DHX36: variants seen among roughly 807,000 people sequenced by gnomAD.
DHX36 encodes ATP-dependent DNA/RNA helicase DHX36.
In DHX36, 50 loss-of-function variants were observed where a neutral mutation model predicts 139.0. The observed-to-expected ratio is 0.36, with a 90% confidence interval of 0.29 to 0.46. The LOEUF (loss-of-function observed/expected upper bound fraction) is 0.46, where lower values mean the gene tolerates loss of function less well. Ranked by LOEUF, DHX36 falls within the 20% of genes least tolerant of loss-of-function variation. The pLI is 1.00. For synonymous variants in DHX36, 425 were observed against 401.9 expected, an observed-to-expected ratio of 1.06 and a Z score of -0.69; for missense variants, 1,024 against 1,211.3, an observed-to-expected ratio of 0.85 and a Z score of 2.29.
At chr3:154,283,046 C>T (rs1719378672) in intron 20 of DHX36, 142 bp downstream of exon 20, 3 of 553,424 alleles carry the variant, frequency 5.4e-6, no homozygotes, top group East Asian at 5.8e-5. Flanking sequence ...CAGAAAGATC[C>T]CCCATTACTT....
rs762412553 is a variant in DHX36 at position 154,309,657 on chromosome 3, AT to A, written c.808del (p.Ile270PhefsTer7). On this transcript the variant is annotated frameshift_variant, in exon 5 of 25. Transcript: ENST00000496811. LOFTEE classifies it high-confidence loss of function. Reference sequence around the variant, plus strand: ...ATAAGTTAAGAGATTACTTACTGAAATGGCACTAATTCTTCTTGGCTGAGTA... The same window carrying A: ...ATAAGTTAAGAGATTACTTACTGAAAGGCACTAATTCTTCTTGGCTGAGTA... Reference protein sequence around the residue: ...VCTQPRRISAISVAERVAAER... With the variant: ...VCTQPRRISAXSVAERVAAER... The A allele has an allele frequency of 9.4e-6, 15 of 1,597,588 alleles. No homozygotes were observed. Among genetic ancestry groups the A allele is most frequent in the Non-Finnish European group, 8.5e-7 (1 of 1,175,160 alleles).
At chr3:154,305,319 A>C in intron 6 of DHX36, 151 bp from the exon 7 acceptor site, 4 of 602,928 alleles carry the variant, frequency 6.6e-6, no homozygotes, top group East Asian at 2.9e-5. Context: ...ACCTACCACA[A>C]TGGGGTAATG....
rs67771264 is a variant in DHX36 at position 154,312,852 on chromosome 3, A to AATATAT, written c.604-1184_604-1179dup. Reference sequence around the variant, plus strand: ...CAAAAAAAAAAAAGGAAATAATTAAAATATATATATATATATATATATATA... The same window carrying AATATAT: ...CAAAAAAAAAAAAGGAAATAATTAAAATATATATATATATATATATATATATATATA... On this transcript the variant is annotated intron_variant, in intron 3 of 24. Coordinates refer to ENST00000496811, the MANE Select transcript of DHX36 (RefSeq NM_020865.3). Among the ~76,000 whole-genome samples the AATATAT allele has an allele frequency of 7.3e-3, 290 of 39,658 alleles. 1 individual carries two copies. The highest frequency in any genetic ancestry group is 0.031 in the Middle Eastern group (1 of 32). 26.0% of individuals were successfully genotyped at this position (39,658 alleles called of 152,430 possible). A position where few individuals can be genotyped will look rare whatever the true frequency, so the allele number is the denominator to read the frequency against.
At chr3:154,321,931 A>AT (rs1713203108) in intron 1 of DHX36, among the ~76,000 whole-genome samples, 1 of 151,916 alleles carries the variant, frequency 6.6e-6, no homozygotes, top group Admixed American at 6.6e-5. Flanking sequence ...CAACTCAAAA[A>AT]AAAAAAAAAA....
At position 154,292,713 on chromosome 3, in the gene DHX36, T is replaced by C. The variant is rs377568626; in HGVS notation, c.1671-19A>G. 1.2e-6 allele frequency: 2 copies of C among 1,600,506 alleles called. No individual in the cohort carries two copies. Among genetic ancestry groups the C allele is most frequent in the East Asian group, 2.3e-5 (1 of 44,280 alleles). ...GGTAATGCTGTTTGGAAAACAGATA[T>C]ATAAAATGTTAAAACACACACACAC... On this transcript the variant is annotated intron_variant, in intron 14 of 24. Coordinates refer to ENST00000496811, the MANE Select transcript of DHX36 (RefSeq NM_020865.3).
intron 1 of DHX36, among the ~76,000 whole-genome samples, chr3:154,320,564 C>G (rs147606222): frequency 2.0e-5 from 3 of 151,330 alleles, no homozygotes; most frequent in East Asian, 3.9e-4. Flanking sequence ...ACACAGCCCT[C>G]TCCCTCCTGC....
chr3:154,324,345 C>G lies in DHX36; in HGVS notation c.72G>C (p.Gly24=). ...GPRSSGGGYG[G]GPAGGHGGNR... Reference sequence around the variant, plus strand: ...TACCTCCATGACCCCCTGCTGGCCCCCCTCCATAGCCCCCACCGGAGCTGC... The same window carrying G: ...TACCTCCATGACCCCCTGCTGGCCCGCCTCCATAGCCCCCACCGGAGCTGC... The change falls in exon 1 of 25, where the codon GGG becomes GGC. Residue 24 remains glycine (G), a synonymous_variant. Coordinates refer to ENST00000496811, the MANE Select transcript of DHX36 (RefSeq NM_020865.3). The G allele has an allele frequency of 6.2e-7, 1 of 1,603,870 alleles. No individual in the cohort carries two copies. The highest frequency in any genetic ancestry group is 8.5e-7 in the Non-Finnish European group (1 of 1,174,074).
At chr3:154,318,049 G>A (rs1228716537) in intron 1 of DHX36, among the ~76,000 whole-genome samples, 1 of 152,090 alleles carries the variant, frequency 6.6e-6, no homozygotes, top group Non-Finnish European at 1.5e-5. Flanking sequence ...TGTGTCCCAG[G>A]AGAACAAGAC....
At chr3:154,283,300 T>G in intron 19 of DHX36, 29 bp from the exon 20 acceptor site, 1 of 1,479,900 alleles carries the variant, frequency 6.8e-7, no homozygotes, top group Non-Finnish European at 9.4e-7. Context: ...AAGAAATCTA[T>G]ATTTCTCCCG....
Position 154,324,238 on chromosome 3 carries a change from C to A in DHX36, c.179G>T (p.Arg60Leu). ...TTTCGCGTACCACATGCCGATTTCG[C>A]GGCCTTTCAGGTGCCCGGGATGCCG... ...RGRHPGHLKG[R>L]EIGMWYAKKQ... Residue 60 changes from arginine (R) to leucine (L), a missense_variant, in exon 1 of 25, where the codon CGC (arginine) becomes CTC (leucine). By Grantham distance (102) the Arg-to-Leu change is moderately radical. Coordinates refer to ENST00000496811, the MANE Select transcript of DHX36 (RefSeq NM_020865.3). The A allele has an allele frequency of 6.2e-7, 1 of 1,613,556 alleles. No individual in the cohort carries two copies. Among genetic ancestry groups the A allele is most frequent in the Non-Finnish European group, 8.5e-7 (1 of 1,179,724 alleles).
At chr3:154,321,433 G>A (rs1349162111) in intron 1 of DHX36, among the ~76,000 whole-genome samples, 1 of 152,082 alleles carries the variant, frequency 6.6e-6, no homozygotes, top group Non-Finnish European at 1.5e-5. Context: ...CAACTTAAGG[G>A]TTACTGTCCC....
intron 24 of DHX36, 119 bp downstream of exon 24, chr3:154,276,623 TCAAAA>T: frequency 8.9e-7 from 1 of 1,126,916 alleles, no homozygotes; most frequent in South Asian, 1.4e-5. Flanking sequence ...AATCATTTTT[TCAAAA>T]TTATTTGCTC....
At chr3:154,276,611 G>T (rs905385248) in intron 24 of DHX36, 136 bp downstream of exon 24, 1 of 1,014,996 alleles carries the variant, frequency 9.9e-7, no homozygotes, top group Admixed American at 2.7e-5. Context: ...AGAAAAACCA[G>T]GAATCATTTT....
At chr3:154,314,372 T>C (rs1326091306) in intron 3 of DHX36, among the ~76,000 whole-genome samples, 1 of 152,186 alleles carries the variant, frequency 6.6e-6, no homozygotes, top group Non-Finnish European at 1.5e-5. Context: ...TAGGAGGTGC[T>C]ATATCCTTCC....
Position 154,324,304 on chromosome 3 carries a change from C to T in DHX36, c.113G>A (p.Gly38Glu). 1 of 1,612,292 alleles carries T rather than the reference C, an allele frequency of 6.2e-7. No homozygotes were observed. Among genetic ancestry groups the T allele is most frequent in the Non-Finnish European group, 8.5e-7 (1 of 1,179,232 alleles). The change falls in exon 1 of 25, where the codon GGA becomes GAA. Residue 38 changes from glycine to glutamate, a missense_variant. Gly to Glu is a moderately conservative substitution (Grantham distance 98). Coordinates refer to ENST00000496811, the MANE Select transcript of DHX36 (RefSeq NM_020865.3). ...GGHGGNRGSG[G>E]GGGGGGGGRG... ...ACCACCCCCTCCGCCGCCGCCGCCT[C>T]CTCCGGAGCCTCGGTTACCTCCATG...
chr3:154,293,041 G>GT lies in DHX36; in HGVS notation c.1671-348dup, dbSNP rs559963721. On this transcript the variant is annotated intron_variant, in intron 14 of 24. Transcript: ENST00000496811. The stretch of plus-strand genomic sequence containing the variant: ...GCACTATGGGAGCCCCAACAGCATG[G>GT]TTTAATATCAGCTTCCAGAAAAGAA... Among the ~76,000 whole-genome samples the GT allele has an allele frequency of 6.6e-5, 10 of 152,148 alleles. No individual in the cohort carries two copies. In the East Asian group the frequency reaches 1.2e-3, roughly 18 times the overall value.
At chr3:154,295,439 C>A (rs559748389) in intron 12 of DHX36, 100 bp from the exon 13 acceptor site, 161 of 513,850 alleles carry the variant, frequency 3.1e-4, no homozygotes, top group African/African-American at 2.8e-3. Context: ...CCACTCAATT[C>A]TTTTTTTGAT....
At chr3:154,280,738 A>AT in intron 21 of DHX36, 25 bp downstream of exon 21, 1 of 1,607,918 alleles carries the variant, frequency 6.2e-7, no homozygotes, top group South Asian at 1.1e-5. Flanking sequence ...AAAGATACTT[A>AT]TTTACACTGT....
chr3:154,321,227 G>A (rs1028942394), intron 1 of DHX36, among the ~76,000 whole-genome samples: 9 of 152,174 alleles, frequency 5.9e-5, no homozygotes, highest in Non-Finnish European at 1.2e-4. Flanking sequence ...TGGCCAACAA[G>A]TTTGAAATTG....
Sources: allele counts gnomAD v4.1 joint callset (sites outside exome capture counted in the v4.1 genomes callset), GRCh38; gene constraint gnomAD v4.1.1; transcripts MANE v1.5; gene names NCBI Gene and HGNC (gene_info 2026-07-23, HGNC 2026-07-21).